The following NAV3 variants were observed in gnomAD, a reference collection of about 807,000 sequenced individuals.
The protein encoded by NAV3 is pore membrane and/or filament interacting like protein 1.
In NAV3, 87 loss-of-function variants were observed where a neutral mutation model predicts 244.7. The ratio of observed to expected loss-of-function variants is 0.36; its 90% confidence interval spans 0.30 to 0.42. The LOEUF (loss-of-function observed/expected upper bound fraction) is 0.42, where lower values mean the gene tolerates loss of function less well. Ranked by LOEUF, NAV3 falls within the 20% of genes least tolerant of loss-of-function variation. The pLI, the probability that NAV3 is intolerant of heterozygous loss-of-function variation, is 1.00. For missense variants in NAV3, 2,663 were observed against 2,893.3 expected (o/e 0.92, Z 1.83); for synonymous variants, 1,126 against 1,042.2 (o/e 1.08, Z -1.55).
chr12:77,696,187 C>G (rs1335090874), intron 2 of NAV3, among the ~76,000 whole-genome samples: 2 of 152,132 alleles, frequency 1.3e-5, no homozygotes, highest in Admixed American at 1.3e-4. Context: ...TATGTAATCC[C>G]CTTTCCTTGA....
intron 2 of NAV3, among the ~76,000 whole-genome samples, chr12:77,815,356 A>C (rs1872488447): frequency 2.0e-5 from 3 of 152,106 alleles, no homozygotes; most frequent in Admixed American, 6.6e-5. Flanking sequence ...CTCTTGGTGA[A>C]ATTTGAATAT....
At chr12:78,136,891 A>G (rs1956395712) in intron 18 of NAV3, among the ~76,000 whole-genome samples, 1 of 152,184 alleles carries the variant, frequency 6.6e-6, no homozygotes, top group Non-Finnish European at 1.5e-5. Context: ...AGCAGAAAAC[A>G]CCATGTTATT....
chr12:78,149,073 C>T (rs780210264), intron 22 of NAV3, among the ~76,000 whole-genome samples, 154 bp downstream of exon 22: 9 of 152,038 alleles, frequency 5.9e-5, no homozygotes, highest in Non-Finnish European at 1.3e-4. Flanking sequence ...TTTGCCTACT[C>T]AGTAATAAAA....
At chr12:77,810,934 G>A (rs1368902754) in intron 2 of NAV3, among the ~76,000 whole-genome samples, 2 of 152,108 alleles carry the variant, frequency 1.3e-5, no homozygotes, top group Non-Finnish European at 2.9e-5. Flanking sequence ...GGTGACGAAA[G>A]CAAAAGAAGA....
At chr12:77,613,005 C>T (rs1397950653) in intron 2 of NAV3, among the ~76,000 whole-genome samples, 1 of 152,092 alleles carries the variant, frequency 6.6e-6, no homozygotes, top group Non-Finnish European at 1.5e-5. Flanking sequence ...CCCCTTCCGC[C>T]GTGATTGTAA....
chr12:78,077,091 A>G (rs1953089208), intron 12 of NAV3, among the ~76,000 whole-genome samples: 1 of 152,158 alleles, frequency 6.6e-6, no homozygotes, highest in Non-Finnish European at 1.5e-5. Context: ...TTCTGAAAAA[A>G]TACAATTATA....
At chr12:77,870,551 G>A (rs1436796953) in intron 1 of NAV3, among the ~76,000 whole-genome samples, 1 of 151,880 alleles carries the variant, frequency 6.6e-6, no homozygotes, top group Non-Finnish European at 1.5e-5. Context: ...GAAATACTGG[G>A]GTTAAAATGA....
intron 2 of NAV3, among the ~76,000 whole-genome samples, chr12:77,580,256 ACACAC>A (rs1340829698): frequency 5.1e-5 from 7 of 137,600 alleles, no homozygotes; most frequent in African/African-American, 1.9e-4. Flanking sequence ...ACACACACAC[ACACAC>A]AAAGATGGAA....
At chr12:77,721,052 C>T (rs995669943) in intron 2 of NAV3, among the ~76,000 whole-genome samples, 1 of 152,056 alleles carries the variant, frequency 6.6e-6, no homozygotes, top group Non-Finnish European at 1.5e-5. Flanking sequence ...TTCTGGTAAT[C>T]GGAGGAGCAT....
At chr12:77,995,236 A>G (rs1872163005) in intron 6 of NAV3, among the ~76,000 whole-genome samples, 1 of 152,166 alleles carries the variant, frequency 6.6e-6, no homozygotes. Context: ...GGCATGCATT[A>G]ATTATTGCAC....
chr12:78,130,302 TTC>T (rs1956105542), intron 18 of NAV3: 1 of 183,094 alleles, frequency 5.5e-6, no homozygotes, highest in Non-Finnish European at 1.2e-5. Flanking sequence ...TGCCCCTAGT[TTC>T]TCTGAGTTGG....
intron 2 of NAV3, among the ~76,000 whole-genome samples, chr12:77,585,334 C>G (rs1203851363): frequency 1.3e-5 from 2 of 152,150 alleles, no homozygotes; most frequent in African/African-American, 4.8e-5. Flanking sequence ...CGTCAGCAAC[C>G]ATTTTTCTTT....
At chr12:77,869,150 G>T (rs1378909495) in intron 1 of NAV3, among the ~76,000 whole-genome samples, 1 of 152,118 alleles carries the variant, frequency 6.6e-6, no homozygotes, top group Non-Finnish European at 1.5e-5. Context: ...AGAAAGCTGG[G>T]CTATAGGCAG....
intron 2 of NAV3, among the ~76,000 whole-genome samples, chr12:77,602,677 A>T: frequency 6.6e-6 from 1 of 151,814 alleles, no homozygotes; most frequent in East Asian, 1.9e-4. Flanking sequence ...TCTCCTTCTA[A>T]GTTTTGGACC....
intron 2 of NAV3, among the ~76,000 whole-genome samples, chr12:77,589,165 G>C (rs1869783796): frequency 6.6e-6 from 1 of 152,160 alleles, no homozygotes. Flanking sequence ...TTGGCAGCAT[G>C]AAATAATAGG....
chr12:78,174,597 T>C (rs571298620), intron 24 of NAV3, among the ~76,000 whole-genome samples: 165 of 152,066 alleles, frequency 1.1e-3, no homozygotes, highest in Non-Finnish European at 1.0e-3. Context: ...TATTTGTTAT[T>C]GGTATTACTA....
intron 36 of NAV3, chr12:78,199,107 C>T (rs1275623100): frequency 1.6e-6 from 1 of 617,374 alleles, no homozygotes; most frequent in East Asian, 3.2e-5. Flanking sequence ...TTCTGACGCA[C>T]ATGAGCTTCT....
chr12:77,994,902 T>G, intron 6 of NAV3, 31 bp downstream of exon 6: 1 of 1,454,872 alleles, frequency 6.9e-7, no homozygotes, highest in Non-Finnish European at 9.6e-7. Flanking sequence ...TTATTGCTTA[T>G]TAGTGATATG....
intron 1 of NAV3, among the ~76,000 whole-genome samples, chr12:77,877,701 G>A (rs368697509): frequency 6.6e-5 from 10 of 152,072 alleles, no homozygotes; most frequent in East Asian, 5.8e-4. Flanking sequence ...TGAAGGAGGG[G>A]AGCATAATAA....
Sources: allele counts gnomAD v4.1 joint callset (sites outside exome capture counted in the v4.1 genomes callset), GRCh38; gene constraint gnomAD v4.1.1; transcripts MANE v1.5; gene names NCBI Gene and HGNC (gene_info 2026-07-23, HGNC 2026-07-21).